The following MAST4 variants were observed in gnomAD, a reference collection of about 807,000 sequenced individuals.
MAST4 encodes microtubule-associated serine/threonine-protein kinase 4.
In MAST4, 89 loss-of-function variants were observed where a neutral mutation model predicts 162.7. That is an observed-to-expected ratio of 0.55 (90% CI 0.46 to 0.65). The LOEUF (loss-of-function observed/expected upper bound fraction) is 0.65. Ranked by LOEUF, MAST4 falls within the 30% of genes least tolerant of loss-of-function variation. MAST4 has a pLI of 0.00. For missense variants in MAST4, 3,153 were observed against 3,374.0 expected (o/e 0.93, Z 1.62); for synonymous variants, 1,479 against 1,361.1 (o/e 1.09, Z -1.91).
At chr5:66,903,744 C>T (rs1208061208) in intron 4 of MAST4, among the ~76,000 whole-genome samples, 2 of 152,128 alleles carry the variant, frequency 1.3e-5, no homozygotes, top group Non-Finnish European at 2.9e-5. Flanking sequence ...CACTTTATCC[C>T]TCAAAGAGTT....
intron 3 of MAST4, among the ~76,000 whole-genome samples, chr5:66,898,801 G>C (rs1762838502): frequency 6.6e-6 from 1 of 152,192 alleles, no homozygotes; most frequent in Non-Finnish European, 1.5e-5. Flanking sequence ...AAGTCCTGCT[G>C]TGTTTAAAGC....
At chr5:66,741,645 G>T (rs533507524) in intron 1 of MAST4, among the ~76,000 whole-genome samples, 20 of 152,252 alleles carry the variant, frequency 1.3e-4, no homozygotes, top group Admixed American at 2.0e-4. Flanking sequence ...TTTGAGCTTT[G>T]TGGGAACGGG....
chr5:66,997,652 T>C (rs1750822251), intron 4 of MAST4, among the ~76,000 whole-genome samples: 1 of 152,030 alleles, frequency 6.6e-6, no homozygotes, highest in Non-Finnish European at 1.5e-5. Context: ...AGGCTGGTTT[T>C]GAACTCCTGA....
chr5:66,743,313 G>A (rs1752574485), intron 1 of MAST4, among the ~76,000 whole-genome samples: 1 of 152,146 alleles, frequency 6.6e-6, no homozygotes. Flanking sequence ...TCCCTTGAGA[G>A]GTTGGCAGGT....
At chr5:67,057,782 T>C (rs1297324430) in intron 5 of MAST4, among the ~76,000 whole-genome samples, 1 of 151,822 alleles carries the variant, frequency 6.6e-6, no homozygotes, top group Non-Finnish European at 1.5e-5. Context: ...GTATGAAAAA[T>C]GTTTGTGCCC....
chr5:66,949,749 C>A (rs7714441), intron 4 of MAST4, among the ~76,000 whole-genome samples: 1 of 151,902 alleles, frequency 6.6e-6, no homozygotes, highest in Admixed American at 6.6e-5. Flanking sequence ...TCCTATTTTT[C>A]GTGGTTCTGA....
At chr5:66,767,170 C>T (rs576806331) in intron 2 of MAST4, among the ~76,000 whole-genome samples, 9 of 139,480 alleles carry the variant, frequency 6.5e-5, no homozygotes, top group East Asian at 2.2e-4. Flanking sequence ...GTAAAGTGCA[C>T]GTGTGTGTGT....
intron 1 of MAST4, among the ~76,000 whole-genome samples, chr5:66,683,712 A>G (rs1748469341): frequency 6.6e-6 from 1 of 152,132 alleles, no homozygotes; most frequent in Non-Finnish European, 1.5e-5. Flanking sequence ...CCCCCAGAGG[A>G]TTACCTGAGA....
intron 5 of MAST4, among the ~76,000 whole-genome samples, chr5:67,078,067 C>G (rs1761890318): frequency 6.6e-6 from 1 of 151,992 alleles, no homozygotes; most frequent in South Asian, 2.1e-4. Context: ...CCATTGCACT[C>G]CAGCCTGGGC....
chr5:66,630,043 G>A (rs1744696210), intron 1 of MAST4, among the ~76,000 whole-genome samples: 1 of 152,060 alleles, frequency 6.6e-6, no homozygotes, highest in African/African-American at 2.4e-5. Flanking sequence ...ACCATACTAG[G>A]GAGTGGTTCT....
chr5:67,085,805 A>G (rs984793098), intron 5 of MAST4, among the ~76,000 whole-genome samples: 1 of 152,188 alleles, frequency 6.6e-6, no homozygotes, highest in African/African-American at 2.4e-5. Context: ...AGGTGTCTAA[A>G]TGAAAGGGAG....
intron 3 of MAST4, among the ~76,000 whole-genome samples, chr5:66,830,818 C>T (rs183728049): frequency 2.0e-4 from 30 of 152,262 alleles, no homozygotes; most frequent in Admixed American, 1.4e-3. Context: ...ATAAGAGTAA[C>T]GCCACCTAGT....
chr5:67,149,202 TC>T (rs1302941051), intron 23 of MAST4, among the ~76,000 whole-genome samples, 186 bp from the exon 24 acceptor site: 1 of 152,160 alleles, frequency 6.6e-6, no homozygotes, highest in East Asian at 1.9e-4. Context: ...CATCTCTTCC[TC>T]CTCCACGTCA....
chr5:67,112,062 TTC>T (rs1233150396), intron 11 of MAST4, among the ~76,000 whole-genome samples: 3 of 151,980 alleles, frequency 2.0e-5, no homozygotes, highest in Non-Finnish European at 4.4e-5. Flanking sequence ...TTTTTTTTCT[TTC>T]TATATGGCCT....
intron 11 of MAST4, among the ~76,000 whole-genome samples, 158 bp downstream of exon 11, chr5:67,110,357 C>G (rs938091387): frequency 3.3e-5 from 5 of 152,202 alleles, no homozygotes; most frequent in Non-Finnish European, 5.9e-5. Flanking sequence ...CGATATGTGA[C>G]TTGTCCTTTC....
chr5:66,629,896 T>C (rs568845105), intron 1 of MAST4, among the ~76,000 whole-genome samples: 2 of 152,328 alleles, frequency 1.3e-5, no homozygotes, highest in African/African-American at 2.4e-5. Flanking sequence ...TAGTTTTATT[T>C]TGAAACTTTG....
chr5:66,879,342 A>G (rs1448453096), intron 3 of MAST4, among the ~76,000 whole-genome samples: 11 of 32,128 alleles, frequency 3.4e-4, no homozygotes, highest in African/African-American at 8.6e-4. Context: ...TGTTTAAAAT[A>G]TATACACACA....
chr5:66,655,395 T>C (rs918855062), intron 1 of MAST4, among the ~76,000 whole-genome samples: 2 of 152,188 alleles, frequency 1.3e-5, no homozygotes, highest in African/African-American at 4.8e-5. Context: ...TTTTGGTTCC[T>C]GGTCAGTAAT....
At chr5:66,965,293 C>T (rs1230692662) in intron 4 of MAST4, among the ~76,000 whole-genome samples, 1 of 142,938 alleles carries the variant, frequency 7.0e-6, no homozygotes, top group African/African-American at 2.6e-5. Context: ...TTTGGTTATC[C>T]AACTGCAAGA....
Sources: allele counts gnomAD v4.1 joint callset (sites outside exome capture counted in the v4.1 genomes callset), GRCh38; gene constraint gnomAD v4.1.1; transcripts MANE v1.5; gene names NCBI Gene and HGNC (gene_info 2026-07-23, HGNC 2026-07-21).